Variants in ANKRD30BL observed in about 807,000 individuals in gnomAD.
ANKRD30BL encodes the protein ankyrin repeat domain 30B like.
A neutral mutation model predicts 18.4 loss-of-function variants in ANKRD30BL; 20 were observed. That is an observed-to-expected ratio of 1.09 (90% CI 0.77 to 1.58). The LOEUF (loss-of-function observed/expected upper bound fraction) is 1.58, where lower values mean the gene tolerates loss of function less well. Among genes scored for constraint, ANKRD30BL ranks in the 40% most tolerant of loss-of-function variants. ANKRD30BL has a pLI of 0.00. For missense variants in ANKRD30BL, 224 were observed against 268.6 expected, an observed-to-expected ratio of 0.83 and a Z score of 1.16; for synonymous variants, 72 against 100.9, an observed-to-expected ratio of 0.71 and a Z score of 1.72.
chr2:132,175,576 C>T (rs1383493401), intron 1 of ANKRD30BL, among the ~76,000 whole-genome samples: 1 of 152,334 alleles, frequency 6.6e-6, no homozygotes, highest in African/African-American at 2.4e-5. Context: ...TTTTACTAAT[C>T]CACCTCAGCA....
At chr2:132,232,460 C>T (rs1004605352) in intron 1 of ANKRD30BL, among the ~76,000 whole-genome samples, 15 of 152,048 alleles carry the variant, frequency 9.9e-5, no homozygotes, top group African/African-American at 3.4e-4. Context: ...GCACGTATAA[C>T]TAGAATAACC....
intron 1 of ANKRD30BL, among the ~76,000 whole-genome samples, chr2:132,227,575 C>T (rs755281094): frequency 1.2e-4 from 18 of 151,992 alleles, no homozygotes; most frequent in Non-Finnish European, 1.5e-4. Context: ...CAGCAGCATT[C>T]TCAGAAACTT....
At chr2:132,185,240 GA>G (rs1346691001) in intron 1 of ANKRD30BL, among the ~76,000 whole-genome samples, 1 of 152,212 alleles carries the variant, frequency 6.6e-6, no homozygotes, top group Non-Finnish European at 1.5e-5. Context: ...GAACATGGAA[GA>G]AAGCTGGACT....
At chr2:132,240,981 CTT>C in intron 1 of ANKRD30BL, among the ~76,000 whole-genome samples, 1 of 148,902 alleles carries the variant, frequency 6.7e-6, no homozygotes, top group Admixed American at 6.7e-5. Context: ...AGCTTTGAGG[CTT>C]TCTTTGGAAA....
intron 1 of ANKRD30BL, among the ~76,000 whole-genome samples, chr2:132,244,573 G>GA (rs1345751821): frequency 7.9e-5 from 12 of 152,278 alleles, no homozygotes; most frequent in African/African-American, 2.9e-4. Flanking sequence ...GGCCTATGGT[G>GA]AAAAAGGAAA....
chr2:132,198,280 C>T (rs1178409238), intron 1 of ANKRD30BL, among the ~76,000 whole-genome samples: 48 of 8,132 alleles, frequency 5.9e-3, no homozygotes, highest in African/African-American at 0.015. Context: ...TTCTTTCTTT[C>T]TTTCTTTCTT....
chr2:132,237,816 C>A (rs916136542), intron 1 of ANKRD30BL, among the ~76,000 whole-genome samples: 1 of 152,044 alleles, frequency 6.6e-6, no homozygotes, highest in African/African-American at 2.4e-5. Flanking sequence ...CAGAAGAATT[C>A]TCAGAAACTT....
At chr2:132,244,266 A>G in intron 1 of ANKRD30BL, among the ~76,000 whole-genome samples, 1 of 152,422 alleles carries the variant, frequency 6.6e-6, no homozygotes, top group African/African-American at 2.4e-5. Context: ...AACTAGACAG[A>G]AGCATTCTCA....
At chr2:132,150,866 T>C (rs1168378699) in intron 5 of ANKRD30BL, 46 bp downstream of exon 5, 4 of 582,518 alleles carry the variant, frequency 6.9e-6, no homozygotes, top group Non-Finnish European at 1.2e-5. Context: ...ACTCCTATAA[T>C]CTTATGGTAG....
intron 1 of ANKRD30BL, among the ~76,000 whole-genome samples, chr2:132,188,387 C>T (rs1183414529): frequency 6.6e-6 from 1 of 152,046 alleles, no homozygotes; most frequent in African/African-American, 2.4e-5. Context: ...CATTAGAAAG[C>T]GAGTAAGGAA....
chr2:132,165,329 C>T (rs1337256667), upstream of ANKRD30BL, among the ~76,000 whole-genome samples: 2 of 150,680 alleles, frequency 1.3e-5, no homozygotes, highest in Non-Finnish European at 1.5e-5. Flanking sequence ...ATAAACAAAG[C>T]TGCTATATAT....
intron 1 of ANKRD30BL, among the ~76,000 whole-genome samples, chr2:132,172,005 G>C (rs1459013339): frequency 5.3e-5 from 8 of 152,174 alleles, no homozygotes; most frequent in Non-Finnish European, 4.4e-5. Flanking sequence ...TGTTTTCAAA[G>C]TTTACGTATG....
intron 1 of ANKRD30BL, among the ~76,000 whole-genome samples, chr2:132,200,952 G>A (rs567595747): frequency 1.1e-4 from 16 of 152,242 alleles, no homozygotes; most frequent in African/African-American, 2.9e-4. Context: ...CAGAGATATA[G>A]ATCAATGGAA....
At chr2:132,239,972 G>T (rs925459477) in intron 1 of ANKRD30BL, among the ~76,000 whole-genome samples, 2 of 151,640 alleles carry the variant, frequency 1.3e-5, no homozygotes, top group Admixed American at 1.3e-4. Flanking sequence ...CGTTGGAAAC[G>T]GGAATATCTT....
chr2:132,245,365 T>C (rs1680467857), intron 1 of ANKRD30BL, among the ~76,000 whole-genome samples: 2 of 150,290 alleles, frequency 1.3e-5, no homozygotes, highest in African/African-American at 4.9e-5. Flanking sequence ...ATACAGCAGA[T>C]TGGAAACACT....
chr2:132,179,319 C>G (rs543439464), intron 1 of ANKRD30BL, among the ~76,000 whole-genome samples: 1 of 150,606 alleles, frequency 6.6e-6, no homozygotes, highest in Non-Finnish European at 1.5e-5. Flanking sequence ...ATGGAGTCTC[C>G]CTCTGTTGCC....
chr2:132,183,667 A>T (rs1294365172), intron 1 of ANKRD30BL, among the ~76,000 whole-genome samples: 1 of 152,098 alleles, frequency 6.6e-6, no homozygotes, highest in Non-Finnish European at 1.5e-5. Context: ...AGTGGTGGCA[A>T]TATATGCATG....
chr2:132,229,264 G>C (rs551704348), intron 1 of ANKRD30BL, among the ~76,000 whole-genome samples: 1 of 151,912 alleles, frequency 6.6e-6, no homozygotes, highest in Admixed American at 6.6e-5. Flanking sequence ...CGGGTCTACC[G>C]TACAAAAGGA....
intron 1 of ANKRD30BL, among the ~76,000 whole-genome samples, chr2:132,249,811 T>A (rs113398947): frequency 1.3e-5 from 2 of 151,624 alleles, no homozygotes; most frequent in African/African-American, 4.8e-5. Flanking sequence ...TTTTATGTGA[T>A]GATATTTCCA....
Sources: allele counts gnomAD v4.1 joint callset (sites outside exome capture counted in the v4.1 genomes callset), GRCh38; gene constraint gnomAD v4.1.1; transcripts MANE v1.5; gene names NCBI Gene and HGNC (gene_info 2026-07-23, HGNC 2026-07-21).